NR2F1-AS1: variants seen among roughly 807,000 people sequenced by gnomAD.
NR2F1-AS1 encodes NR2F1 antisense RNA 1.
chr5:93,505,019 G>A (rs1046782094), intron 4 of NR2F1-AS1, among the ~76,000 whole-genome samples: 14 of 152,206 alleles, frequency 9.2e-5, no homozygotes, highest in Admixed American at 2.0e-4. Context: ...AGTCCCTTCC[G>A]CCTATAAGCC....
At chr5:93,429,631 T>C (rs952433757) in intron 4 of NR2F1-AS1, among the ~76,000 whole-genome samples, 5 of 152,222 alleles carry the variant, frequency 3.3e-5, no homozygotes, top group Non-Finnish European at 1.5e-5. Context: ...GATATCTTAA[T>C]CAGTGGCTAT....
intron 4 of NR2F1-AS1, among the ~76,000 whole-genome samples, chr5:93,506,300 T>C (rs1209783885): frequency 2.6e-5 from 4 of 152,200 alleles, no homozygotes; most frequent in African/African-American, 7.2e-5. Context: ...ATTCAACAAA[T>C]TTCTAGGATG....
At position 93,504,042 on chromosome 5, in the gene NR2F1-AS1, G is replaced by T. The variant is rs115103277; in HGVS notation, n.638+49719C>A. On this transcript the variant is annotated intron_variant and non_coding_transcript_variant, in intron 4 of 5. Coordinates refer to ENST00000660523, the Ensembl canonical transcript of NR2F1-AS1. ...TTTCCTCAACAAATAAATTGCACAA[G>T]ACAAAAAGGAGGAAAAAAAATCTTG... 7.0e-3 allele frequency among the ~76,000 whole-genome samples: 1,060 copies of T among 151,654 alleles called. 10 individuals carry two copies. The highest frequency in any genetic ancestry group is 0.031 in the Middle Eastern group (9 of 290).
chr5:93,415,860 CTT>C (rs1302996323), intron 4 of NR2F1-AS1, among the ~76,000 whole-genome samples: 1 of 152,180 alleles, frequency 6.6e-6, no homozygotes, highest in African/African-American at 2.4e-5. Context: ...AAGATGGGCA[CTT>C]TTTTTGCTTC....
upstream of NR2F1-AS1, chr5:93,583,247 C>A (rs963434146): frequency 2.0e-5 from 3 of 151,742 alleles, no homozygotes; most frequent in South Asian, 2.1e-4. Context: ...CGAGTCCTCC[C>A]GTTTAAACGC....
At chr5:93,449,706 C>T (rs1046440671) in intron 4 of NR2F1-AS1, among the ~76,000 whole-genome samples, 1 of 152,094 alleles carries the variant, frequency 6.6e-6, no homozygotes, top group Non-Finnish European at 1.5e-5. Context: ...ACAAAGATTT[C>T]TCCTGTTTTT....
At chr5:93,446,483 C>A (rs1171057121) in intron 4 of NR2F1-AS1, among the ~76,000 whole-genome samples, 4 of 152,078 alleles carry the variant, frequency 2.6e-5, no homozygotes, top group Admixed American at 6.6e-5. Flanking sequence ...ACCTAGGAAT[C>A]CAACTTATAA....
intron 4 of NR2F1-AS1, among the ~76,000 whole-genome samples, chr5:93,498,690 C>A (rs1751015156): frequency 6.6e-6 from 1 of 151,556 alleles, no homozygotes; most frequent in African/African-American, 2.4e-5. Flanking sequence ...AGAGGAGGCA[C>A]ATAAAAGAAA....
chr5:93,525,497 G>A (rs576210244), intron 4 of NR2F1-AS1, among the ~76,000 whole-genome samples: 13 of 150,974 alleles, frequency 8.6e-5, no homozygotes, highest in African/African-American at 3.2e-4. Flanking sequence ...ACTCAGCTCT[G>A]GATAAGTGGA....
At chr5:93,515,802 C>G (rs1193648500) in intron 4 of NR2F1-AS1, among the ~76,000 whole-genome samples, 1 of 151,824 alleles carries the variant, frequency 6.6e-6, no homozygotes. Context: ...GCTGTACATC[C>G]AAGAAACATA....
chr5:93,572,660 T>A (rs1752800097), intron 1 of NR2F1-AS1, among the ~76,000 whole-genome samples: 2 of 152,154 alleles, frequency 1.3e-5, no homozygotes, highest in South Asian at 4.1e-4. Context: ...TATTCCAGAC[T>A]CCAGATCCCT....
At chr5:93,481,301 T>C (rs1750594767) in intron 4 of NR2F1-AS1, among the ~76,000 whole-genome samples, 1 of 152,050 alleles carries the variant, frequency 6.6e-6, no homozygotes, top group East Asian at 1.9e-4. Context: ...GATAAAAGGA[T>C]CCATTCATCA....
At chr5:93,572,482 G>A (rs977215667) in intron 1 of NR2F1-AS1, among the ~76,000 whole-genome samples, 6 of 152,200 alleles carry the variant, frequency 3.9e-5, no homozygotes, top group African/African-American at 2.4e-5. Context: ...TCACCTGTCA[G>A]CCGGTGCTCT....
intron 4 of NR2F1-AS1, among the ~76,000 whole-genome samples, chr5:93,455,460 A>G (rs1290712458): frequency 6.6e-6 from 1 of 152,196 alleles, no homozygotes; most frequent in East Asian, 1.9e-4. Flanking sequence ...AAATAGGAAA[A>G]AAAAGCAAGA....
rs1463357367 is a variant in NR2F1-AS1 at position 93,503,280 on chromosome 5, G to T, written n.638+50481C>A. 3.3e-5 allele frequency among the ~76,000 whole-genome samples: 5 copies of T among 152,062 alleles called. No individual in the cohort carries two copies. In the South Asian group the frequency reaches 8.3e-4, roughly 25 times the overall value. On this transcript the variant is annotated intron_variant and non_coding_transcript_variant, in intron 4 of 5. Transcript: ENST00000660523. ...GTGGGATATACAGCAAGAACCAAAAGAACTGTAAAAAAATTGTAAACTGTT... is the reference window on the plus strand; with the variant it reads ...GTGGGATATACAGCAAGAACCAAAATAACTGTAAAAAAATTGTAAACTGTT...
intron 4 of NR2F1-AS1, among the ~76,000 whole-genome samples, chr5:93,495,349 T>C (rs995118670): frequency 6.6e-6 from 1 of 152,108 alleles, no homozygotes; most frequent in Non-Finnish European, 1.5e-5. Flanking sequence ...CTTTTCTCAT[T>C]AAGAAAAAGA....
At chr5:93,493,674 A>C (rs1750899222) in intron 4 of NR2F1-AS1, among the ~76,000 whole-genome samples, 1 of 152,118 alleles carries the variant, frequency 6.6e-6, no homozygotes, top group Admixed American at 6.5e-5. Flanking sequence ...AATAAAACTG[A>C]GAGTCCAGAA....
chr5:93,446,049 A>G (rs547294660), intron 4 of NR2F1-AS1, among the ~76,000 whole-genome samples: 4 of 152,194 alleles, frequency 2.6e-5, no homozygotes, highest in Non-Finnish European at 4.4e-5. Flanking sequence ...CGGGACGTAC[A>G]TCAAAATAAT....
At chr5:93,462,193 CAT>C (rs1350495385) in intron 4 of NR2F1-AS1, among the ~76,000 whole-genome samples, 2 of 152,206 alleles carry the variant, frequency 1.3e-5, no homozygotes, top group East Asian at 1.9e-4. Flanking sequence ...ACAATTCCCA[CAT>C]GTCATGGGAG....
Sources: allele counts gnomAD v4.1 joint callset (sites outside exome capture counted in the v4.1 genomes callset), GRCh38; gene constraint gnomAD v4.1.1; transcripts MANE v1.5; gene names NCBI Gene and HGNC (gene_info 2026-07-23, HGNC 2026-07-21).